Variants in P2RX5 observed in about 807,000 individuals in gnomAD.
P2RX5 encodes P2X purinoceptor 5.
In P2RX5, 46 loss-of-function variants were observed where a neutral mutation model predicts 54.1. The observed-to-expected ratio is 0.85, with a 90% confidence interval of 0.67 to 1.09. The LOEUF is 1.09. P2RX5 is among the 50% of genes least tolerant of loss of function. P2RX5 has a pLI of 0.00. For synonymous variants in P2RX5, 226 were observed against 226.4 expected, an observed-to-expected ratio of 1.00 and a Z score of 0.02; for missense variants, 566 against 549.8, an observed-to-expected ratio of 1.03 and a Z score of -0.29.
At chr17:3,709,043 C>T in the P2RX5 span, among the ~76,000 whole-genome samples, 1 of 152,156 alleles carries the variant, frequency 6.6e-6, no homozygotes, top group Non-Finnish European at 1.5e-5. Flanking sequence ...CATCCCCCTC[C>T]CGTGTTCAAG....
intron 9 of P2RX5, chr17:3,682,402 G>A: frequency 3.1e-6 from 1 of 323,782 alleles, no homozygotes; most frequent in African/African-American, 2.1e-5. Flanking sequence ...TCAGCCTGGG[G>A]AGGGTCCCTA....
the P2RX5 span, among the ~76,000 whole-genome samples, chr17:3,713,215 G>A: frequency 1.3e-5 from 2 of 152,038 alleles, no homozygotes; most frequent in African/African-American, 4.8e-5. Flanking sequence ...TAAAAAATGA[G>A]CCGGGCATAG....
intron 10 of P2RX5, among the ~76,000 whole-genome samples, chr17:3,680,905 G>A (rs1204053681): frequency 1.5e-4 from 16 of 106,588 alleles, no homozygotes; most frequent in East Asian, 2.7e-4. Context: ...TCCACCCAGC[G>A]TCCTCCACCC....
intron 11 of P2RX5, chr17:3,675,962 C>A: frequency 1.0e-6 from 1 of 985,358 alleles, no homozygotes; most frequent in South Asian, 4.7e-5. Context: ...GTTCTGGAGA[C>A]CATGTCCCTG....
chr17:3,679,849 G>T, intron 10 of P2RX5, 65 bp from the exon 11 acceptor site: 2 of 1,414,804 alleles, frequency 1.4e-6, no homozygotes, highest in Non-Finnish European at 9.8e-7. Flanking sequence ...CTAGACGGGC[G>T]GAGTGGGCCT....
chr17:3,702,444 T>C, the P2RX5 span, among the ~76,000 whole-genome samples: 2 of 152,196 alleles, frequency 1.3e-5, no homozygotes, highest in African/African-American at 4.8e-5. Flanking sequence ...GAATAAAAGC[T>C]GGCCACCCAA....
chr17:3,718,579 CA>C, the P2RX5 span, among the ~76,000 whole-genome samples: 1 of 152,198 alleles, frequency 6.6e-6, no homozygotes, highest in Non-Finnish European at 1.5e-5. Flanking sequence ...CTCATAGAGT[CA>C]CTGTAAGTCA....
rs1034022968 is a variant in P2RX5, at chr17:3,679,500, C to T, written c.1259+90G>A. 2.2e-4 allele frequency: 256 copies of T among 1,181,340 alleles called. 1 individual carries two copies. Among genetic ancestry groups the T allele is most frequent in the Non-Finnish European group, 2.9e-4 (238 of 815,678 alleles). The allele number at this position is 1,181,340 out of a possible 1,614,324, so 73.2% of individuals were successfully genotyped here. ...CAGCTCACACCAGAGCAGAGGGGTC[C>T]GCTGGAGCTGCCAGGCATGAGAAGC... On this transcript the variant is annotated intron_variant, in intron 11 of 11. Transcript: ENST00000225328.
the P2RX5 span, among the ~76,000 whole-genome samples, chr17:3,706,596 T>C: frequency 7.8e-6 from 1 of 128,082 alleles, no homozygotes; most frequent in South Asian, 2.4e-4. Context: ...CTGGAGCACA[T>C]GCCGAAAAAT....
the P2RX5 span, chr17:3,723,350 T>C: frequency 1.9e-6 from 3 of 1,614,010 alleles, no homozygotes; most frequent in Non-Finnish European, 2.5e-6. Context: ...TCTGAAGCGA[T>C]GACACAGCTC....
chr17:3,712,646 G>C, the P2RX5 span, among the ~76,000 whole-genome samples: 1 of 152,182 alleles, frequency 6.6e-6, no homozygotes, highest in Admixed American at 6.5e-5. Flanking sequence ...ACTAAAGAGT[G>C]ATTTAAAAAC....
At chr17:3,709,832 C>A in the P2RX5 span, among the ~76,000 whole-genome samples, 2 of 152,100 alleles carry the variant, frequency 1.3e-5, no homozygotes, top group African/African-American at 4.8e-5. Flanking sequence ...TCGCTTGAAC[C>A]CAGGAGGCGG....
upstream of P2RX5, among the ~76,000 whole-genome samples, chr17:3,700,176 T>C (rs2050808631): frequency 6.6e-6 from 1 of 152,146 alleles, no homozygotes; most frequent in Non-Finnish European, 1.5e-5. Context: ...CACAAGCACA[T>C]GCCAAACACC....
intron 10 of P2RX5, 51 bp downstream of exon 10, chr17:3,681,845 G>C (rs1431292233): frequency 8.1e-7 from 1 of 1,238,468 alleles, no homozygotes; most frequent in Admixed American, 1.7e-5. Context: ...GAAGCCACGG[G>C]GGTGCTCCAC....
the P2RX5 span, chr17:3,720,401 A>G: frequency 7.1e-7 from 1 of 1,399,732 alleles, no homozygotes; most frequent in Non-Finnish European, 1.0e-6. Flanking sequence ...ATCTTTTAGT[A>G]ACTAGAAGAT....
At chr17:3,690,384 G>C in intron 5 of P2RX5, 43 bp downstream of exon 5, 1 of 1,479,326 alleles carries the variant, frequency 6.8e-7, no homozygotes, top group South Asian at 1.2e-5. Flanking sequence ...CCACCGCACG[G>C]GGCTGGGAAA....
chr17:3,685,476 G>C (rs890491090), intron 9 of P2RX5: 2 of 154,122 alleles, frequency 1.3e-5, no homozygotes, highest in African/African-American at 4.8e-5. Context: ...CGGCCGCCGG[G>C]GAGAGGGTGG....
rs757998843 is a variant in P2RX5, at chr17:3,695,968, A to G, written c.38T>C (p.Leu13Pro). 1.2e-6 allele frequency: 2 copies of G among 1,614,076 alleles called. No homozygotes were observed. The highest frequency in any genetic ancestry group is 2.2e-5 in the East Asian group (1 of 44,870). Residue 13 changes from leucine (L) to proline (P), a missense_variant, in exon 1 of 12, where the codon CTG becomes CCG. Physicochemically the swap from Leu to Pro is moderately conservative, Grantham distance 98 (BLOSUM62 -3). Coordinates refer to ENST00000225328, the MANE Select transcript of P2RX5 (RefSeq NM_002561.4). ...ATACTTCTCGGTCTTGTAGTCGAAC[A>G]GCGACAGGCAGAGCCCCTTGCAGCC... ...QAGCKGLCLS[L>P]FDYKTEKYVI... is the part of the protein sequence containing the mutation.
At chr17:3,723,320 C>G in the P2RX5 span, 10 of 1,613,586 alleles carry the variant, frequency 6.2e-6, no homozygotes, top group African/African-American at 1.3e-5. Flanking sequence ...ATCTCTGCAG[C>G]CACGGTGACA....
Sources: gnomAD v4.1 joint callset for allele counts (sites outside exome capture counted in the v4.1 genomes callset) on GRCh38, gnomAD v4.1.1 for gene constraint, MANE v1.5 for transcripts, NCBI Gene and HGNC (gene_info 2026-07-23, HGNC 2026-07-21) for gene names.